Variants in GPR158 observed in about 807,000 individuals in gnomAD.
The protein encoded by GPR158 is G protein-coupled receptor 158.
GPR158 carries 30 observed loss-of-function variants against 78.2 expected under a neutral mutation model. The observed-to-expected ratio is 0.38, with a 90% CI of 0.29 to 0.52. The LOEUF is 0.52. Ranked by LOEUF, GPR158 falls within the 20% of genes least tolerant of loss-of-function variation. The probability of loss-of-function intolerance (pLI) is 0.83; values close to 1 mark genes in which losing one functional copy is unlikely to be tolerated. For missense variants in GPR158, 1,463 were observed against 1,523.5 expected (o/e 0.96, Z 0.66); for synonymous variants, 581 against 591.1 (o/e 0.98, Z 0.25).
At chr10:25,356,817 G>C (rs2130527335) in intron 2 of GPR158, among the ~76,000 whole-genome samples, 1 of 152,148 alleles carries the variant, frequency 6.6e-6, no homozygotes, top group East Asian at 1.9e-4. Flanking sequence ...ACCAGGAATG[G>C]GGTGCTACTA....
chr10:25,178,542 C>A (rs1437137385), intron 1 of GPR158, among the ~76,000 whole-genome samples: 1 of 152,180 alleles, frequency 6.6e-6, no homozygotes, highest in Non-Finnish European at 1.5e-5. Context: ...CAGACACTCC[C>A]TGTTTTTTCA....
intron 4 of GPR158, among the ~76,000 whole-genome samples, chr10:25,429,291 G>A (rs1020636534): frequency 7.2e-5 from 11 of 151,850 alleles, no homozygotes; most frequent in South Asian, 2.1e-4. Context: ...ACTTTTCTTC[G>A]AACAAATATG....
intron 2 of GPR158, among the ~76,000 whole-genome samples, chr10:25,265,841 GT>G (rs1358109267): frequency 6.6e-6 from 1 of 152,062 alleles, no homozygotes; most frequent in Non-Finnish European, 1.5e-5. Context: ...CTGATCTTTT[GT>G]TTTTTTCTTG....
At chr10:25,224,714 T>G (rs1328332594) in intron 2 of GPR158, among the ~76,000 whole-genome samples, 1 of 152,128 alleles carries the variant, frequency 6.6e-6, no homozygotes, top group Non-Finnish European at 1.5e-5. Flanking sequence ...GAGAAATCAG[T>G]CCAAATTGAA....
chr10:25,575,543 T>G (rs1837080652), intron 7 of GPR158, among the ~76,000 whole-genome samples: 1 of 152,096 alleles, frequency 6.6e-6, no homozygotes, highest in Non-Finnish European at 1.5e-5. Context: ...AGCTCAGCAA[T>G]CTGTGTTTCG....
At chr10:25,410,002 A>C (rs10828793) in intron 3 of GPR158, among the ~76,000 whole-genome samples, 18,461 of 152,220 alleles carry the variant, frequency 0.12, 1,152 homozygotes, top group East Asian at 0.17. Context: ...TGAAGGATAA[A>C]ATAATTATTA....
intron 4 of GPR158, among the ~76,000 whole-genome samples, chr10:25,422,388 C>A (rs1010423653): frequency 3.3e-5 from 5 of 152,080 alleles, no homozygotes; most frequent in African/African-American, 1.2e-4. Flanking sequence ...GTGAACTGCA[C>A]ATGTGCACTC....
intron 2 of GPR158, among the ~76,000 whole-genome samples, chr10:25,372,698 G>T (rs1243515011): frequency 8.4e-6 from 1 of 118,398 alleles, no homozygotes; most frequent in Non-Finnish European, 1.7e-5. Flanking sequence ...TCACACTCTG[G>T]GGACTGTTGT....
At chr10:25,365,383 C>T (rs1855705995) in intron 2 of GPR158, among the ~76,000 whole-genome samples, 1 of 151,668 alleles carries the variant, frequency 6.6e-6, no homozygotes, top group South Asian at 2.1e-4. Context: ...TTTGATTTAG[C>T]CCTATGCCCT....
intron 4 of GPR158, among the ~76,000 whole-genome samples, chr10:25,441,066 T>C (rs1028744409): frequency 6.6e-6 from 1 of 152,192 alleles, no homozygotes; most frequent in Admixed American, 6.5e-5. Flanking sequence ...GCTATAACCC[T>C]TGTGGGCCTA....
intron 2 of GPR158, among the ~76,000 whole-genome samples, chr10:25,377,314 GTATTA>G (rs1166797117): frequency 2.0e-5 from 3 of 151,564 alleles, no homozygotes; most frequent in Admixed American, 6.6e-5. Context: ...TCTGCAGTCT[GTATTA>G]TATTTTTAGT....
At chr10:25,556,897 G>A (rs552866852) in intron 6 of GPR158, among the ~76,000 whole-genome samples, 25 of 137,598 alleles carry the variant, frequency 1.8e-4, no homozygotes, top group Non-Finnish European at 3.9e-4. Flanking sequence ...ATTTAAAAAC[G>A]TTGAAAAAAA....
intron 2 of GPR158, among the ~76,000 whole-genome samples, chr10:25,275,270 G>A (rs537169874): frequency 1.3e-5 from 2 of 152,262 alleles, no homozygotes; most frequent in South Asian, 2.1e-4. Flanking sequence ...GAACCTGTCA[G>A]GAGCAAGGTT....
chr10:25,210,906 G>T (rs973001923), intron 1 of GPR158, among the ~76,000 whole-genome samples: 1 of 152,054 alleles, frequency 6.6e-6, no homozygotes. Flanking sequence ...GGCCGAGGTG[G>T]GTGGATCACG....
chr10:25,422,810 C>T (rs1050129330), intron 4 of GPR158, among the ~76,000 whole-genome samples: 1 of 151,540 alleles, frequency 6.6e-6, no homozygotes, highest in East Asian at 2.0e-4. Context: ...ATCACCTGAG[C>T]AGTGTACACT....
chr10:25,491,756 G>A (rs145285614), intron 5 of GPR158, among the ~76,000 whole-genome samples: 84 of 152,068 alleles, frequency 5.5e-4, no homozygotes, highest in Admixed American at 9.8e-4. Flanking sequence ...CAATTATCTT[G>A]TTTACTTAAA....
chr10:25,435,278 T>G (rs193113484), intron 4 of GPR158, among the ~76,000 whole-genome samples: 3 of 152,134 alleles, frequency 2.0e-5, no homozygotes, highest in Admixed American at 2.0e-4. Context: ...TAATGCTAAG[T>G]GACATGAAGG....
At chr10:25,541,202 A>G (rs1836578425) in intron 5 of GPR158, among the ~76,000 whole-genome samples, 1 of 151,926 alleles carries the variant, frequency 6.6e-6, no homozygotes, top group African/African-American at 2.4e-5. Flanking sequence ...TAAATCATCT[A>G]TTACTAGTGA....
chr10:25,212,334 GGTGTGCTACACACT>G (rs1229172291), intron 1 of GPR158, among the ~76,000 whole-genome samples: 1 of 152,032 alleles, frequency 6.6e-6, no homozygotes, highest in Non-Finnish European at 1.5e-5. Context: ...AGCGAAGCGG[GGTGTGCTACACACT>G]TTTGGACAAC....
Sources: allele counts gnomAD v4.1 joint callset (sites outside exome capture counted in the v4.1 genomes callset), GRCh38; gene constraint gnomAD v4.1.1; transcripts MANE v1.5; gene names NCBI Gene and HGNC (gene_info 2026-07-23, HGNC 2026-07-21).